Variants in CNTNAP2 observed in about 807,000 individuals in gnomAD.
CNTNAP2 encodes the protein contactin associated protein 2, also known as contactin-associated protein-like 2.
In CNTNAP2, 98 loss-of-function variants were observed where a neutral mutation model predicts 155.2. That is an observed-to-expected ratio of 0.63 (90% CI 0.54 to 0.75). The LOEUF (loss-of-function observed/expected upper bound fraction) is 0.75, where lower values mean the gene tolerates loss of function less well. Among genes scored for constraint, CNTNAP2 ranks in the 30% least tolerant of loss-of-function variants. The pLI is 0.00. For synonymous variants in CNTNAP2, 651 were observed against 631.2 expected, an observed-to-expected ratio of 1.03 and a Z score of -0.47; for missense variants, 1,727 against 1,688.1, an observed-to-expected ratio of 1.02 and a Z score of -0.40.
intron 21 of CNTNAP2, among the ~76,000 whole-genome samples, chr7:148,382,232 G>A (rs1439972028): frequency 2.6e-5 from 4 of 152,220 alleles, no homozygotes; most frequent in African/African-American, 4.8e-5. Flanking sequence ...CTGGGCCCGG[G>A]AGCCTCTGCT....
chr7:146,845,891 A>G (rs1345849804), intron 3 of CNTNAP2, among the ~76,000 whole-genome samples: 3 of 152,184 alleles, frequency 2.0e-5, no homozygotes, highest in South Asian at 2.1e-4. Flanking sequence ...CTTGTGTCCA[A>G]TGAGCCATTT....
rs904517927 is a variant in CNTNAP2 at position 148,081,616 on chromosome 7, A to G, written c.2384-36502A>G. ...AGCTTGCGGATGGCCTATTGTAATCATGTGAGTTAATATTTAATAAATTTC... is the reference window on the plus strand; with the variant it reads ...AGCTTGCGGATGGCCTATTGTAATCGTGTGAGTTAATATTTAATAAATTTC... On this transcript the variant is annotated intron_variant, in intron 15 of 23. Transcript: ENST00000361727. 6.6e-5 allele frequency among the ~76,000 whole-genome samples: 10 copies of G among 151,982 alleles called. No individual in the cohort carries two copies. In the East Asian group the frequency reaches 1.4e-3, roughly 21 times the overall value.
At chr7:146,509,056 CAG>C (rs1169094956) in intron 1 of CNTNAP2, among the ~76,000 whole-genome samples, 6 of 152,196 alleles carry the variant, frequency 3.9e-5, no homozygotes, top group African/African-American at 9.7e-5. Context: ...CAAAGGCACT[CAG>C]GGGTGCAGAG....
rs192557093 is a variant in CNTNAP2, at chr7:146,300,000, G to A, written c.97+183027G>A. Reference sequence around the variant, plus strand: ...CAGACCATGGAAGTAATATAAGCTGGTCGTTTAGAAAATTTCATCAATTGC... The same window carrying A: ...CAGACCATGGAAGTAATATAAGCTGATCGTTTAGAAAATTTCATCAATTGC... On this transcript the variant is annotated intron_variant, in intron 1 of 23. Coordinates refer to ENST00000361727, the MANE Select transcript of CNTNAP2 (RefSeq NM_014141.6). Among the ~76,000 whole-genome samples, 58 of 152,242 alleles carry A rather than the reference G, an allele frequency of 3.8e-4. 1 individual carries two copies. In the East Asian group the frequency reaches 9.3e-3, roughly 24 times the overall value.
At chr7:147,386,034 A>G (rs565999765) in intron 9 of CNTNAP2, among the ~76,000 whole-genome samples, 1 of 152,184 alleles carries the variant, frequency 6.6e-6, no homozygotes, top group South Asian at 2.1e-4. Flanking sequence ...GAAGCTGCCA[A>G]GACTTGGGGC....
chr7:148,370,337 T>C (rs1048509255), intron 21 of CNTNAP2, among the ~76,000 whole-genome samples: 1 of 152,190 alleles, frequency 6.6e-6, no homozygotes, highest in South Asian at 2.1e-4. Flanking sequence ...GGTCTCCGGT[T>C]CCTGGAGGCT....
At chr7:146,506,810 A>G (rs1480002821) in intron 1 of CNTNAP2, among the ~76,000 whole-genome samples, 2 of 152,218 alleles carry the variant, frequency 1.3e-5, no homozygotes, top group South Asian at 2.1e-4. Flanking sequence ...GTATTAAACC[A>G]TATGGTATCA....
chr7:146,644,658 G>A (rs183406091), intron 1 of CNTNAP2, among the ~76,000 whole-genome samples: 123 of 152,016 alleles, frequency 8.1e-4, no homozygotes, highest in East Asian at 1.5e-3. Flanking sequence ...TATCACCACC[G>A]ATCCCACAGA....
chr7:147,132,822 A>T (rs192910716), intron 8 of CNTNAP2, among the ~76,000 whole-genome samples: 2 of 152,250 alleles, frequency 1.3e-5, no homozygotes, highest in African/African-American at 4.8e-5. Flanking sequence ...GTTTAAAAAC[A>T]AGGAATGTTT....
At chr7:146,541,080 A>G (rs1473779205) in intron 1 of CNTNAP2, among the ~76,000 whole-genome samples, 2 of 151,984 alleles carry the variant, frequency 1.3e-5, no homozygotes, top group African/African-American at 2.4e-5. Flanking sequence ...TTTTCAGAAC[A>G]TACTGAAACA....
At chr7:146,709,839 AG>A (rs1173752032) in intron 1 of CNTNAP2, among the ~76,000 whole-genome samples, 2 of 152,182 alleles carry the variant, frequency 1.3e-5, no homozygotes, top group African/African-American at 4.8e-5. Context: ...GGGAAAAACA[AG>A]TTTTGCATGC....
At chr7:146,873,551 C>T (rs1795358649) in intron 3 of CNTNAP2, among the ~76,000 whole-genome samples, 1 of 152,036 alleles carries the variant, frequency 6.6e-6, no homozygotes, top group South Asian at 2.1e-4. Flanking sequence ...AGAGGCTGCA[C>T]AGTGACCCTC....
intron 11 of CNTNAP2, among the ~76,000 whole-genome samples, chr7:147,519,598 C>T (rs955364873): frequency 6.6e-6 from 1 of 152,224 alleles, no homozygotes; most frequent in African/African-American, 2.4e-5. Flanking sequence ...CACAGTGGCT[C>T]ATGCCTGTAA....
intron 13 of CNTNAP2, among the ~76,000 whole-genome samples, chr7:147,714,267 G>A (rs983690569): frequency 2.6e-5 from 4 of 152,094 alleles, no homozygotes; most frequent in Non-Finnish European, 5.9e-5. Context: ...CTAAGGATGA[G>A]TGAAGAGGTA....
rs190594758 is a variant in CNTNAP2 at position 148,015,030 on chromosome 7, C to T, written c.2383+37041C>T. Among the ~76,000 whole-genome samples the T allele has an allele frequency of 2.8e-4, 42 of 151,916 alleles. No homozygotes were observed. In the East Asian group the frequency reaches 3.3e-3, roughly 12 times the overall value. ...TGATTGTTGAGCCCCACAAGCAAGC[C>T]TTTGAGTTTTTATAAGCCCACATAG... On this transcript the variant is annotated intron_variant, in intron 15 of 23. Coordinates refer to ENST00000361727, the MANE Select transcript of CNTNAP2 (RefSeq NM_014141.6).
intron 9 of CNTNAP2, among the ~76,000 whole-genome samples, chr7:147,344,994 A>C (rs35496807): frequency 0.23 from 34,343 of 151,920 alleles, 4,260 homozygotes; most frequent in Non-Finnish European, 0.28. Context: ...TATTATATAA[A>C]ATTTTCAGGA....
intron 1 of CNTNAP2, among the ~76,000 whole-genome samples, chr7:146,211,005 G>A (rs1437507046): frequency 6.6e-6 from 1 of 152,088 alleles, no homozygotes; most frequent in African/African-American, 2.4e-5. Context: ...AAGTGAAATT[G>A]AATGTTGATT....
At chr7:147,686,328 G>A (rs111459786) in intron 13 of CNTNAP2, among the ~76,000 whole-genome samples, 3 of 152,056 alleles carry the variant, frequency 2.0e-5, no homozygotes, top group African/African-American at 7.2e-5. Flanking sequence ...ACAAAAGAAT[G>A]CAGAAAAAGA....
intron 1 of CNTNAP2, among the ~76,000 whole-genome samples, chr7:146,534,634 G>A (rs1258972672): frequency 4.0e-5 from 6 of 151,788 alleles, no homozygotes; most frequent in African/African-American, 9.7e-5. Context: ...TGAGAAAAGG[G>A]GCTTCATATG....
Sources: gnomAD v4.1 joint callset for allele counts (sites outside exome capture counted in the v4.1 genomes callset) on GRCh38, gnomAD v4.1.1 for gene constraint, MANE v1.5 for transcripts, NCBI Gene and HGNC (gene_info 2026-07-23, HGNC 2026-07-21) for gene names.